The following HEPACAM variants were observed in gnomAD, a reference collection of about 807,000 sequenced individuals.
The protein encoded by HEPACAM is hepatic and glial cell adhesion molecule, also known as hepatocyte cell adhesion molecule.
A neutral mutation model predicts 38.3 loss-of-function variants in HEPACAM; 18 were observed. That is an observed-to-expected ratio of 0.47 (90% CI 0.33 to 0.70). The LOEUF is 0.70. Ranked by LOEUF, HEPACAM falls within the 30% of genes least tolerant of loss-of-function variation. The pLI is 0.03. For synonymous variants in HEPACAM, 216 were observed against 243.1 expected (o/e 0.89, Z 1.04); for missense variants, 466 against 563.0 (o/e 0.83, Z 1.74).
Position 124,919,828 on chromosome 11 carries a change from A to G in HEPACAM, c.*1310T>C, listed in dbSNP as rs778652125. On this transcript the variant is annotated 3_prime_UTR_variant, in exon 7 of 7. Coordinates refer to ENST00000298251, the MANE Select transcript of HEPACAM (RefSeq NM_152722.5). Reference sequence around the variant, plus strand: ...TGGAGTTTAGGAGACTAGGGATGCAAGGACCCTTGGAGGCATTAAGGAGGA... The same window carrying G: ...TGGAGTTTAGGAGACTAGGGATGCAGGGACCCTTGGAGGCATTAAGGAGGA... 3.1e-6 allele frequency: 5 copies of G among 1,614,166 alleles called. No homozygotes were observed. In the East Asian group the frequency reaches 1.1e-4, roughly 36 times the overall value.
Position 124,919,986 on chromosome 11 carries a change from G to A in HEPACAM, c.*1152C>T, listed in dbSNP as rs775911527. Reference sequence around the variant, plus strand: ...CATGGGCATGTCCTGGCTACACAGCGGCCCAGCCTCTTTATTTTGATGTTA... The same window carrying A: ...CATGGGCATGTCCTGGCTACACAGCAGCCCAGCCTCTTTATTTTGATGTTA... On this transcript the variant is annotated 3_prime_UTR_variant, in exon 7 of 7. Coordinates refer to ENST00000298251, the MANE Select transcript of HEPACAM (RefSeq NM_152722.5). 23 of 1,613,194 alleles carry A rather than the reference G, an allele frequency of 1.4e-5. No individual in the cohort carries two copies. Among genetic ancestry groups the A allele is most frequent in the African/African-American group, 5.3e-5 (4 of 74,832 alleles).
Position 124,935,926 on chromosome 11 carries a change from C to A in HEPACAM, c.81G>T (p.Gln27His). Reference sequence around the variant, plus strand: ...TCTTACCCTCTGGCCTCCTACCTGTCTGGATCAGAAGAAGGTAGACAAAAG... The same window carrying A: ...TCTTACCCTCTGGCCTCCTACCTGTATGGATCAGAAGAAGGTAGACAAAAG... The part of the protein sequence containing the change: ...LAPFVYLLLI[Q>H]TDPLEGVNIT... The change falls in exon 1 of 7, where the codon CAG becomes CAT. Residue 27 changes from glutamine (Q) to histidine (H), a missense_variant. By Grantham distance (24) the Gln-to-His change is conservative. Coordinates refer to ENST00000298251, the MANE Select transcript of HEPACAM (RefSeq NM_152722.5). 1 of 1,613,910 alleles carries A rather than the reference C, an allele frequency of 6.2e-7. No homozygotes were observed. Among genetic ancestry groups the A allele is most frequent in the South Asian group, 1.1e-5 (1 of 91,070 alleles).
chr11:124,929,837 G>T (rs149252532), intron 1 of HEPACAM, among the ~76,000 whole-genome samples: 8 of 152,206 alleles, frequency 5.3e-5, no homozygotes, highest in African/African-American at 1.9e-4. Context: ...ATCCCTTAGA[G>T]AAATCACCAT....
chr11:124,934,589 G>A (rs1947320356), intron 1 of HEPACAM, among the ~76,000 whole-genome samples: 1 of 151,824 alleles, frequency 6.6e-6, no homozygotes, highest in African/African-American at 2.4e-5. Context: ...GAAGCTAGGA[G>A]AGAACCCTAA....
intron 1 of HEPACAM, among the ~76,000 whole-genome samples, chr11:124,926,017 A>C (rs1321375933): frequency 6.6e-6 from 1 of 152,210 alleles, no homozygotes; most frequent in Non-Finnish European, 1.5e-5. Context: ...CCTGGCCAAC[A>C]TGGCAAAACC....
chr11:124,921,693 C>T lies in HEPACAM; in HGVS notation c.949-253G>A, dbSNP rs1485042016. On this transcript the variant is annotated intron_variant, in intron 6 of 6. Coordinates refer to ENST00000298251, the MANE Select transcript of HEPACAM (RefSeq NM_152722.5). The surrounding 1 kb of genome is among the most constrained non-coding windows in gnomAD (Gnocchi z 4.6). ...GAGTGCTTTTCCCCTTTACTCTCCT[C>T]TTTCCACCCGTCGTGGACAGCCTGG... Among the ~76,000 whole-genome samples the T allele has an allele frequency of 2.0e-5, 3 of 151,122 alleles. No individual in the cohort carries two copies. The East Asian group carries it at 6.5e-4, about 33-fold the overall frequency.
intron 1 of HEPACAM, among the ~76,000 whole-genome samples, chr11:124,927,730 A>T (rs76979538): frequency 6.6e-6 from 1 of 151,538 alleles, no homozygotes; most frequent in Non-Finnish European, 1.5e-5. Flanking sequence ...AAAACCTTAA[A>T]AGTAGAAGAA....
At chr11:124,923,541 G>T in intron 3 of HEPACAM, 108 bp from the exon 4 acceptor site, 3 of 1,113,840 alleles carry the variant, frequency 2.7e-6, no homozygotes, top group Non-Finnish European at 4.1e-6. Flanking sequence ...CAGGCTGCAT[G>T]CCTGGCTGAT....
At chr11:124,929,262 C>T (rs965271330) in intron 1 of HEPACAM, among the ~76,000 whole-genome samples, 1 of 152,194 alleles carries the variant, frequency 6.6e-6, no homozygotes, top group African/African-American at 2.4e-5. Context: ...TTGCCTGAGG[C>T]CTTACCCTCC....
chr11:124,931,539 T>C (rs1198915614), intron 1 of HEPACAM, among the ~76,000 whole-genome samples: 2 of 152,122 alleles, frequency 1.3e-5, no homozygotes, highest in Non-Finnish European at 2.9e-5. Flanking sequence ...TCATACCCAA[T>C]AGGATGGCCA....
chr11:124,928,494 C>T (rs191238357), intron 1 of HEPACAM, among the ~76,000 whole-genome samples: 2 of 152,222 alleles, frequency 1.3e-5, no homozygotes, highest in East Asian at 3.9e-4. Context: ...GTTACATGTG[C>T]AGAGCCATGC....
intron 3 of HEPACAM, 127 bp downstream of exon 3, chr11:124,923,602 C>T: frequency 7.9e-7 from 1 of 1,268,286 alleles, no homozygotes; most frequent in African/African-American, 1.5e-5. Context: ...TGGTGTCCTC[C>T]ATGGATAGTT....
chr11:124,922,221 G>A (rs889159904), intron 6 of HEPACAM, among the ~76,000 whole-genome samples, 167 bp downstream of exon 6: 11 of 152,158 alleles, frequency 7.2e-5, no homozygotes, highest in Non-Finnish European at 1.5e-4. Flanking sequence ...GAAACCACCC[G>A]CATCACCATC....
chr11:124,920,911 C>A lies in HEPACAM; in HGVS notation c.*227G>T. The A allele has an allele frequency of 7.4e-7, 1 of 1,357,300 alleles. No individual in the cohort carries two copies. The highest frequency in any genetic ancestry group is 9.5e-7 in the Non-Finnish European group (1 of 1,057,964). 84.1% of individuals were successfully genotyped at this position (1,357,300 alleles called of 1,614,324 possible). A position where few individuals can be genotyped will look rare whatever the true frequency, so the allele number is the denominator to read the frequency against. On this transcript the variant is annotated 3_prime_UTR_variant, in exon 7 of 7. Coordinates refer to ENST00000298251, the MANE Select transcript of HEPACAM (RefSeq NM_152722.5). Reference sequence around the variant, plus strand: ...AACCTATACCAAGTGAGGACACAGCCAGTAAACCGGAAGCAAATGCGACCC... The same window carrying A: ...AACCTATACCAAGTGAGGACACAGCAAGTAAACCGGAAGCAAATGCGACCC...
In HEPACAM at chr11:124,922,976, G is replaced by A. The variant is rs543065078; in HGVS notation, c.804-158C>T. Among the ~76,000 whole-genome samples, 4 of 152,224 alleles carry A rather than the reference G, an allele frequency of 2.6e-5. 1 individual carries two copies. The South Asian group carries it at 8.3e-4, about 32-fold the overall frequency. On this transcript the variant is annotated intron_variant, in intron 4 of 6. Coordinates refer to ENST00000298251, the MANE Select transcript of HEPACAM (RefSeq NM_152722.5). ...GAGCTTTGGAAGGAATCACATCTAG[G>A]TTTGCACCTTGAGTCTGTCACTAGC...
At position 124,920,677 on chromosome 11, in the gene HEPACAM, GCAAAAAAAAAAAAAAAAAA is replaced by G; in HGVS notation, c.*442_*460del. The stretch of plus-strand genomic sequence containing the variant: ...AAAGTGGCCTCTCTAATCTGAACTT[GCAAAAAAAAAAAAAAAAAA>G]AAAAAAAAAAAAAGTGCCCCAGCAC... On this transcript the variant is annotated 3_prime_UTR_variant, in exon 7 of 7. Transcript: ENST00000298251. 2 of 107,840 alleles carry G rather than the reference GCAAAAAAAAAAAAAAAAAA, an allele frequency of 1.9e-5. No individual in the cohort carries two copies. Among genetic ancestry groups the G allele is most frequent in the Non-Finnish European group, 2.4e-5 (2 of 83,438 alleles). 6.7% of individuals were successfully genotyped at this position (107,840 alleles called of 1,614,324 possible). A position where few individuals can be genotyped will look rare whatever the true frequency, so the allele number is the denominator to read the frequency against.
Position 124,919,868 on chromosome 11 carries a change from C to G in HEPACAM, c.*1270G>C. 6.2e-7 allele frequency: 1 copy of G among 1,614,154 alleles called. No homozygotes were observed. The highest frequency in any genetic ancestry group is 8.5e-7 in the Non-Finnish European group (1 of 1,180,018). On this transcript the variant is annotated 3_prime_UTR_variant, in exon 7 of 7. Coordinates refer to ENST00000298251, the MANE Select transcript of HEPACAM (RefSeq NM_152722.5). Reference sequence around the variant, plus strand: ...ATTAAGGAGGAGGGAATGGAATACACAGAGGGCCTCCTTCTCTTTCAGCTT... The same window carrying G: ...ATTAAGGAGGAGGGAATGGAATACAGAGAGGGCCTCCTTCTCTTTCAGCTT...
intron 1 of HEPACAM, among the ~76,000 whole-genome samples, chr11:124,934,538 C>T (rs1176990023): frequency 6.6e-6 from 1 of 151,268 alleles, no homozygotes; most frequent in Non-Finnish European, 1.5e-5. Flanking sequence ...GAATGCCATA[C>T]CAAGACTGGA....
chr11:124,922,357 G>A (rs1947151087), intron 6 of HEPACAM, 31 bp downstream of exon 6: 2 of 1,601,332 alleles, frequency 1.2e-6, no homozygotes, highest in Admixed American at 3.3e-5. Flanking sequence ...ATCACTGCAT[G>A]TTTCTGGGCA....
Sources: allele counts gnomAD v4.1 joint callset (sites outside exome capture counted in the v4.1 genomes callset), GRCh38; gene constraint gnomAD v4.1.1; non-coding constraint Gnocchi (gnomAD v3.1); transcripts MANE v1.5; gene names NCBI Gene and HGNC (gene_info 2026-07-23, HGNC 2026-07-21).